DOCK2: variants seen among roughly 807,000 people sequenced by gnomAD.
DOCK2 encodes the protein dedicator of cytokinesis 2, also known as dedicator of cytokinesis protein 2.
In DOCK2, 87 loss-of-function variants were observed where a neutral mutation model predicts 248.9. That is an observed-to-expected ratio of 0.35 (90% CI 0.29 to 0.42). The LOEUF is 0.42. Among genes scored for constraint, DOCK2 ranks in the 10% least tolerant of loss-of-function variants. The pLI is 1.00. For missense variants in DOCK2, 1,747 were observed against 2,300.2 expected (o/e 0.76, Z 4.92); for synonymous variants, 805 against 821.6 (o/e 0.98, Z 0.35).
At chr5:169,695,114 G>A (rs1760536637) in intron 9 of DOCK2, 1 of 152,264 alleles carries the variant, frequency 6.6e-6, no homozygotes, top group African/African-American at 2.4e-5. Flanking sequence ...TTGGGTAGAT[G>A]ATTTAAAAGC....
At chr5:170,061,380 G>A (rs1398608112) in intron 44 of DOCK2, among the ~76,000 whole-genome samples, 5 of 152,242 alleles carry the variant, frequency 3.3e-5, no homozygotes, top group Non-Finnish European at 7.3e-5. Context: ...GCTCTGCCCC[G>A]TGGCTCAGGG....
At chr5:169,702,697 G>GTATT (rs33967344) in intron 14 of DOCK2, 59,261 of 205,040 alleles carry the variant, frequency 0.29, 11,065 homozygotes, top group East Asian at 0.5. Flanking sequence ...ATGTATGTAT[G>GTATT]TATTTATTTA....
chr5:169,664,357 C>T (rs1028434010), intron 2 of DOCK2, among the ~76,000 whole-genome samples: 1 of 152,230 alleles, frequency 6.6e-6, no homozygotes, highest in African/African-American at 2.4e-5. Context: ...AACTTTCCCA[C>T]ATCTTTCTAT....
chr5:170,009,620 T>A (rs1392235821), intron 32 of DOCK2, among the ~76,000 whole-genome samples: 1 of 152,222 alleles, frequency 6.6e-6, no homozygotes, highest in Non-Finnish European at 1.5e-5. Flanking sequence ...GGTGTGGATA[T>A]TGACTTTCCT....
chr5:169,695,082 C>T (rs1012069285), intron 9 of DOCK2: 4 of 152,286 alleles, frequency 2.6e-5, no homozygotes, highest in Middle Eastern at 3.4e-3. Context: ...GACATGCAAG[C>T]AAAAAGTGAT....
At chr5:169,966,239 G>T (rs1777295293) in intron 27 of DOCK2, among the ~76,000 whole-genome samples, 1 of 152,086 alleles carries the variant, frequency 6.6e-6, no homozygotes, top group Admixed American at 6.5e-5. Context: ...TTGGTTGGTT[G>T]CTTCATAACA....
chr5:169,996,208 G>A (rs541491932), intron 30 of DOCK2, 44 bp downstream of exon 30: 17 of 1,587,746 alleles, frequency 1.1e-5, no homozygotes, highest in Middle Eastern at 1.7e-4. Context: ...TGCCCAGGGC[G>A]TCTCTGACAT....
chr5:169,778,703 A>G (rs1375628083), intron 25 of DOCK2, among the ~76,000 whole-genome samples: 3 of 152,224 alleles, frequency 2.0e-5, no homozygotes, highest in African/African-American at 7.2e-5. Flanking sequence ...CGAGTGTTTG[A>G]GCTGAAAGGA....
chr5:169,934,849 A>T (rs1775916123), intron 27 of DOCK2: 1 of 389,666 alleles, frequency 2.6e-6, no homozygotes, highest in South Asian at 1.9e-5. Flanking sequence ...AGGTAAATAA[A>T]GCATTATACA....
intron 26 of DOCK2, among the ~76,000 whole-genome samples, chr5:169,804,641 C>T (rs548898726): frequency 6.7e-4 from 102 of 152,294 alleles, no homozygotes; most frequent in African/African-American, 2.2e-3. Context: ...TCTCTCTGCT[C>T]ACCCTGATCC....
chr5:170,030,646 G>A (rs563506075), intron 34 of DOCK2, among the ~76,000 whole-genome samples: 1 of 152,324 alleles, frequency 6.6e-6, no homozygotes. Flanking sequence ...TCCTTTGAGT[G>A]TCATGTTAGT....
chr5:169,952,874 A>G (rs2113728828), intron 27 of DOCK2, among the ~76,000 whole-genome samples: 2 of 152,330 alleles, frequency 1.3e-5, no homozygotes, highest in East Asian at 3.9e-4. Flanking sequence ...AGATACATAA[A>G]TACTTTGCAG....
Position 169,867,978 on chromosome 5 carries a change from T to C in DOCK2, c.2799+27126T>C, listed in dbSNP as rs1370819695. On this transcript the variant is annotated intron_variant, in intron 27 of 51. Coordinates refer to ENST00000520908, the MANE Select transcript of DOCK2 (RefSeq NM_004946.3). ...ATAGTTCACAGATAGGGAACATCTA[T>C]ATTCACAATGCTCCTAGCTCCTGAA... is the stretch of plus-strand genomic sequence containing the variant. Among the ~76,000 whole-genome samples, 5 of 152,316 alleles carry C rather than the reference T, an allele frequency of 3.3e-5. No individual in the cohort carries two copies. In the Middle Eastern group the frequency reaches 0.014, roughly 414 times the overall value.
intron 46 of DOCK2, among the ~76,000 whole-genome samples, chr5:170,071,286 CA>C (rs1342985004): frequency 6.6e-6 from 1 of 152,188 alleles, no homozygotes; most frequent in Non-Finnish European, 1.5e-5. Context: ...TAGTGATGGA[CA>C]AAATTGGGCC....
chr5:169,881,320 C>T (rs781739748), intron 27 of DOCK2: 7 of 1,471,730 alleles, frequency 4.8e-6, no homozygotes, highest in East Asian at 2.5e-5. Flanking sequence ...TTCAGCGGAC[C>T]CTATGGCTTT....
At chr5:169,983,858 A>C (rs576014755) in intron 28 of DOCK2, among the ~76,000 whole-genome samples, 43 of 152,356 alleles carry the variant, frequency 2.8e-4, no homozygotes, top group Admixed American at 1.8e-3. Flanking sequence ...TAAAAAAAGG[A>C]ATCATTAGAA....
chr5:169,832,027 G>A (rs1769259641), intron 26 of DOCK2, among the ~76,000 whole-genome samples: 1 of 152,224 alleles, frequency 6.6e-6, no homozygotes, highest in Non-Finnish European at 1.5e-5. Context: ...CCACACTTCT[G>A]ATCATGGAAG....
intron 5 of DOCK2, among the ~76,000 whole-genome samples, chr5:169,672,005 T>A (rs183805158): frequency 3.0e-4 from 45 of 152,244 alleles, no homozygotes; most frequent in African/African-American, 7.9e-4. Flanking sequence ...CTTTTTTTTT[T>A]ATTTATTTTT....
At chr5:169,990,119 G>A (rs1157355258) in intron 29 of DOCK2, among the ~76,000 whole-genome samples, 8 of 151,112 alleles carry the variant, frequency 5.3e-5, no homozygotes, top group Admixed American at 2.0e-4. Flanking sequence ...TTTCTTTTGA[G>A]ACAGAGTCTC....
Sources: gnomAD v4.1 joint callset for allele counts (sites outside exome capture counted in the v4.1 genomes callset) on GRCh38, gnomAD v4.1.1 for gene constraint, MANE v1.5 for transcripts, NCBI Gene and HGNC (gene_info 2026-07-23, HGNC 2026-07-21) for gene names.